Variants in SPICE1 observed in about 807,000 individuals in gnomAD.
The protein encoded by SPICE1 is spindle and centriole associated protein 1.
Under a neutral mutation model 102.7 loss-of-function variants are expected in SPICE1, and 75 were observed. That is an observed-to-expected ratio of 0.73 (90% CI 0.61 to 0.88). The LOEUF (loss-of-function observed/expected upper bound fraction) is 0.88. SPICE1 is among the 40% of genes least tolerant of loss of function. The pLI is 0.00. For missense variants in SPICE1, 979 were observed against 1,020.1 expected, an observed-to-expected ratio of 0.96 and a Z score of 0.55; for synonymous variants, 308 against 350.3, an observed-to-expected ratio of 0.88 and a Z score of 1.35.
At chr3:113,484,055 A>G (rs2107484954) in intron 7 of SPICE1, among the ~76,000 whole-genome samples, 1 of 152,190 alleles carries the variant, frequency 6.6e-6, no homozygotes, top group East Asian at 1.9e-4. Flanking sequence ...CAATTTCAGA[A>G]CTTGTTATTG....
rs1360662397 is a variant in SPICE1 at position 113,454,624 on chromosome 3, G to A, written c.1658-674C>T. ...CCAGCTACTCAGGAGGCTGAGGCAG[G>A]AGAATAGCTTGAACCCAGGAGGCAG... On this transcript the variant is annotated intron_variant, in intron 13 of 17. Coordinates refer to ENST00000295872, the MANE Select transcript of SPICE1 (RefSeq NM_144718.4). Among the ~76,000 whole-genome samples, 3 of 152,080 alleles carry A rather than the reference G, an allele frequency of 2.0e-5. No homozygotes were observed. In the East Asian group the frequency reaches 5.8e-4, roughly 29 times the overall value.
intron 13 of SPICE1, among the ~76,000 whole-genome samples, chr3:113,454,194 G>A (rs954744139): frequency 2.6e-5 from 4 of 152,134 alleles, no homozygotes; most frequent in Admixed American, 1.3e-4. Context: ...CATCTGTCAA[G>A]TTCACATTTT....
chr3:113,496,612 C>T (rs1237347877), intron 4 of SPICE1, among the ~76,000 whole-genome samples: 1 of 152,156 alleles, frequency 6.6e-6, no homozygotes, highest in African/African-American at 2.4e-5. Context: ...GGCATGGGTA[C>T]ATCTTACAGC....
intron 15 of SPICE1, chr3:113,449,324 GTTCGCA>G (rs1935587724): frequency 7.7e-6 from 1 of 129,608 alleles, no homozygotes; most frequent in East Asian, 2.4e-4. Context: ...CATAGTACAT[GTTCGCA>G]CATAGTACAT....
At position 113,468,232 on chromosome 3, in the gene SPICE1, G is replaced by T; in HGVS notation, c.1062C>A (p.Arg354=). ...GACTGCTCTGCAGACCCTTGACCTCGCGACCTGTCCACCGCTCATATTCTT... is the reference window on the plus strand; with the variant it reads ...GACTGCTCTGCAGACCCTTGACCTCTCGACCTGTCCACCGCTCATATTCTT... ...EMEEYERWTG[R]EVKGLQSSQG... The change falls in exon 10 of 18, where the codon CGC becomes CGA. Residue 354 remains arginine, a synonymous_variant. Transcript: ENST00000295872. The T allele has an allele frequency of 1.2e-6, 2 of 1,614,020 alleles. No individual in the cohort carries two copies. The highest frequency in any genetic ancestry group is 1.7e-6 in the Non-Finnish European group (2 of 1,180,024).
At chr3:113,469,529 A>G (rs1264206815) in intron 7 of SPICE1, among the ~76,000 whole-genome samples, 2 of 147,280 alleles carry the variant, frequency 1.4e-5, no homozygotes, top group Admixed American at 6.8e-5. Flanking sequence ...AATTATATAA[A>G]TTAAATTATA....
At chr3:113,489,710 G>C (rs1319032118) in intron 6 of SPICE1, among the ~76,000 whole-genome samples, 1 of 151,996 alleles carries the variant, frequency 6.6e-6, no homozygotes, top group African/African-American at 2.4e-5. Flanking sequence ...AGCCAGGTGA[G>C]GTAGCCCACA....
At chr3:113,460,407 G>A in intron 12 of SPICE1, 1 of 952,322 alleles carries the variant, frequency 1.1e-6, no homozygotes, top group African/African-American at 1.8e-5. Context: ...GACACGAATT[G>A]AAATTATGCA....
chr3:113,482,745 T>A (rs1388105702), intron 7 of SPICE1, among the ~76,000 whole-genome samples: 2 of 152,208 alleles, frequency 1.3e-5, no homozygotes, highest in Non-Finnish European at 2.9e-5. Context: ...GAGGGCTCTG[T>A]TCTGTTCCAT....
intron 13 of SPICE1, among the ~76,000 whole-genome samples, chr3:113,456,194 C>T (rs566978575): frequency 6.6e-6 from 1 of 152,242 alleles, no homozygotes; most frequent in East Asian, 1.9e-4. Flanking sequence ...TTTTCTTTAA[C>T]CCCTGGGCTT....
chr3:113,482,442 G>C (rs889174088), intron 7 of SPICE1, among the ~76,000 whole-genome samples: 2 of 152,102 alleles, frequency 1.3e-5, no homozygotes, highest in African/African-American at 4.8e-5. Flanking sequence ...TTTGGCTTTT[G>C]TTGCCGTTGC....
chr3:113,493,132 A>C, intron 6 of SPICE1, 74 bp downstream of exon 6: 2 of 1,094,160 alleles, frequency 1.8e-6, no homozygotes, highest in Non-Finnish European at 2.6e-6. Flanking sequence ...CTTTTAAAAT[A>C]TTTACCACAA....
chr3:113,463,997 G>A (rs772507373), intron 11 of SPICE1, among the ~76,000 whole-genome samples: 18 of 152,020 alleles, frequency 1.2e-4, no homozygotes, highest in Non-Finnish European at 2.1e-4. Context: ...GAACACGAGA[G>A]GCAGAGCTTG....
intron 7 of SPICE1, among the ~76,000 whole-genome samples, chr3:113,475,319 G>C (rs1426360550): frequency 6.6e-6 from 1 of 152,126 alleles, no homozygotes; most frequent in Admixed American, 6.6e-5. Flanking sequence ...AAGAGTCAAG[G>C]ACCAGATGGA....
intron 15 of SPICE1, chr3:113,448,850 ATT>A (rs1935577611): frequency 6.6e-6 from 1 of 152,136 alleles, no homozygotes; most frequent in Non-Finnish European, 1.5e-5. Flanking sequence ...TATATGGTTT[ATT>A]TTTATTTTTA....
chr3:113,506,806 A>G (rs1032716889), intron 1 of SPICE1, among the ~76,000 whole-genome samples: 1 of 152,236 alleles, frequency 6.6e-6, no homozygotes, highest in Non-Finnish European at 1.5e-5. Flanking sequence ...TAATTATAAT[A>G]AAAGAGGTCT....
chr3:113,467,546 G>A lies in SPICE1; in HGVS notation c.1155+593C>T, dbSNP rs142590057. Among the ~76,000 whole-genome samples, 1,410 of 152,274 alleles carry A rather than the reference G, an allele frequency of 9.3e-3. 17 individuals carry two copies. The highest frequency in any genetic ancestry group is 0.031 in the African/African-American group (1,281 of 41,528). The stretch of plus-strand genomic sequence containing the variant: ...TGACCTCAGGCAATCTGCCCGCCTC[G>A]GCCTTCCAAAGGGCTGGGATTATAG... On this transcript the variant is annotated intron_variant, in intron 10 of 17. Transcript: ENST00000295872.
rs558329618 is a variant in SPICE1 at position 113,514,674 on chromosome 3, G to C, written c.-1+223C>G. 24 of 874,142 alleles carry C rather than the reference G, an allele frequency of 2.7e-5. 1 individual carries two copies. The African/African-American group carries it at 4.0e-4, about 14-fold the overall frequency. 54.1% of individuals were successfully genotyped at this position (874,142 alleles called of 1,614,324 possible). On this transcript the variant is annotated intron_variant, in intron 1 of 17. Transcript: ENST00000295872. ...AAAACTCACAGGAGGAGCCTTCTGA[G>C]AAGCCCCTCTGACATCCATCGATTT... is the stretch of plus-strand genomic sequence containing the variant.
At chr3:113,448,199 C>G in intron 15 of SPICE1, 59 bp from the exon 16 acceptor site, 1 of 1,423,020 alleles carries the variant, frequency 7.0e-7, no homozygotes, top group Non-Finnish European at 9.5e-7. Context: ...AAATTTCACT[C>G]AATTTCTATC....
Sources: allele counts gnomAD v4.1 joint callset (sites outside exome capture counted in the v4.1 genomes callset), GRCh38; gene constraint gnomAD v4.1.1; transcripts MANE v1.5; gene names NCBI Gene and HGNC (gene_info 2026-07-23, HGNC 2026-07-21).